COL12A1: variants seen among roughly 807,000 people sequenced by gnomAD.
The protein encoded by COL12A1 is collagen alpha-1(XII) chain.
Under a neutral mutation model 349.7 loss-of-function variants are expected in COL12A1, and 114 were observed. The ratio of observed to expected loss-of-function variants is 0.33; its 90% CI spans 0.28 to 0.38. COL12A1 has a LOEUF of 0.38. Ranked by LOEUF, COL12A1 falls within the 10% of genes least tolerant of loss-of-function variation. The pLI is 1.00. For synonymous variants in COL12A1, 1,369 were observed against 1,329.0 expected, an observed-to-expected ratio of 1.03 and a Z score of -0.66; for missense variants, 3,284 against 3,756.9, an observed-to-expected ratio of 0.87 and a Z score of 3.29.
intron 10 of COL12A1, 110 bp downstream of exon 10, chr6:75,182,940 T>G (rs1769389826): frequency 7.5e-7 from 1 of 1,326,860 alleles, no homozygotes; most frequent in Admixed American, 2.4e-5. Flanking sequence ...CATAGGAAAG[T>G]TACTTTTTCG....
intron 54 of COL12A1, among the ~76,000 whole-genome samples, chr6:75,104,736 T>C (rs1380152498): frequency 6.6e-6 from 1 of 152,058 alleles, no homozygotes; most frequent in African/African-American, 2.4e-5. Flanking sequence ...CCAGAGTTTA[T>C]GATATCACAT....
Position 75,138,855 on chromosome 6 carries a change from A to G in COL12A1, c.5064T>C (p.Thr1688=). ...GASDVSLYRI[T]WAPFGSSDKM... ...TATCTGAGCTTCCAAAAGGTGCCCA[A>G]GTTATTCTGTAGAGAGACACATCTG... Residue 1688 remains threonine (T), a synonymous_variant, in exon 28 of 66, where the codon ACT becomes ACC. Coordinates refer to ENST00000322507, the MANE Select transcript of COL12A1 (RefSeq NM_004370.6). The G allele has an allele frequency of 1.9e-6, 3 of 1,614,086 alleles. No homozygotes were observed. The highest frequency in any genetic ancestry group is 1.1e-5 in the South Asian group (1 of 91,084).
intron 32 of COL12A1, 36 bp downstream of exon 32, chr6:75,134,690 T>C (rs372825658): frequency 6.6e-5 from 101 of 1,541,816 alleles, no homozygotes; most frequent in Non-Finnish European, 7.8e-5. Context: ...TAATAGTAGC[T>C]ATTAAAGAAG....
At position 75,152,035 on chromosome 6, in the gene COL12A1, G is replaced by A. The variant is rs1326038023; in HGVS notation, c.3836-4C>T. The A allele has an allele frequency of 6.2e-7, 1 of 1,613,818 alleles. No individual in the cohort carries two copies. The highest frequency in any genetic ancestry group is 1.7e-5 in the Admixed American group (1 of 59,998). The stretch of plus-strand genomic sequence containing the variant: ...CGAATGAAATTCAAAGCCATGCCTA[G>A]TGGGATTTTTAAAAGAGAATCAGTC... On this transcript the variant is annotated splice_polypyrimidine_tract_variant and splice_region_variant and intron_variant, in intron 19 of 65. Coordinates refer to ENST00000322507, the MANE Select transcript of COL12A1 (RefSeq NM_004370.6).
intron 2 of COL12A1, among the ~76,000 whole-genome samples, chr6:75,195,933 G>T (rs1389984770): frequency 6.6e-6 from 1 of 152,144 alleles, no homozygotes; most frequent in African/African-American, 2.4e-5. Context: ...ACTTGGAAAA[G>T]TCAATGACAG....
At chr6:75,133,470 A>C in intron 33 of COL12A1, 48 bp from the exon 34 acceptor site, 1 of 1,561,788 alleles carries the variant, frequency 6.4e-7, no homozygotes, top group South Asian at 1.2e-5. Context: ...AAATTTGTGA[A>C]AGAAATAATA....
Position 75,121,387 on chromosome 6 carries a change from A to G in COL12A1, c.7001T>C (p.Ile2334Thr), listed in dbSNP as rs796052093. The G allele has an allele frequency of 1.9e-6, 3 of 1,612,180 alleles. No homozygotes were observed. The highest frequency in any genetic ancestry group is 2.5e-6 in the Non-Finnish European group (3 of 1,178,712). ...IVFLTDASWS[I>T]GDDNFNKVVK... is the part of the protein sequence containing the mutation. Reference sequence around the variant, plus strand: ...AACTTTGTTAAAATTATCGTCCCCAATGCTCCAGGAGGCATCAGTCAAGAA... The same window carrying G: ...AACTTTGTTAAAATTATCGTCCCCAGTGCTCCAGGAGGCATCAGTCAAGAA... The change falls in exon 44 of 66, where the codon ATT becomes ACT. Residue 2334 changes from isoleucine (I) to threonine (T), a missense_variant. Coordinates refer to ENST00000322507, the MANE Select transcript of COL12A1 (RefSeq NM_004370.6).
chr6:75,110,065 T>A (rs1285856375), intron 51 of COL12A1, among the ~76,000 whole-genome samples: 1 of 152,060 alleles, frequency 6.6e-6, no homozygotes, highest in Non-Finnish European at 1.5e-5. Context: ...AAACCATAAG[T>A]TTACTGCATC....
intron 38 of COL12A1, among the ~76,000 whole-genome samples, 194 bp downstream of exon 38, chr6:75,128,102 A>G (rs954063899): frequency 7.9e-5 from 12 of 152,188 alleles, no homozygotes; most frequent in Non-Finnish European, 1.3e-4. Context: ...GACCTTTAAA[A>G]AGTTAAAAAC....
chr6:75,150,693 A>G (rs951382896), intron 21 of COL12A1, among the ~76,000 whole-genome samples: 1 of 152,172 alleles, frequency 6.6e-6, no homozygotes, highest in Non-Finnish European at 1.5e-5. Flanking sequence ...TAGTAACTAA[A>G]TGGAGTGAAG....
rs772158281 is a variant in COL12A1, at chr6:75,194,844, C to T, written c.177G>A (p.Val59=). The T allele has an allele frequency of 4.4e-6, 7 of 1,608,554 alleles. No individual in the cohort carries two copies. The highest frequency in any genetic ancestry group is 2.2e-5 in the South Asian group (2 of 90,106). ...VDPIVGYRIT[V]DPTTDGPTKE... The stretch of plus-strand genomic sequence containing the variant: ...CTCAAAACTTACCCGTTGTAGGGTC[C>T]ACCGTTATTCTGTAACCCACAATTG... Residue 59 remains valine (V), a synonymous_variant, in exon 3 of 66, where the codon GTG becomes GTA. Transcript: ENST00000322507.
Position 75,194,852 on chromosome 6 carries a change from T to A in COL12A1, c.169A>T (p.Ile57Leu). 1 of 1,611,346 alleles carries A rather than the reference T, an allele frequency of 6.2e-7. No homozygotes were observed. Among genetic ancestry groups the A allele is most frequent in the South Asian group, 1.1e-5 (1 of 90,536 alleles). ...TTACCCGTTGTAGGGTCCACCGTTA[T>A]TCTGTAACCCACAATTGGATCAACT... ...KPVDPIVGYR[I>L]TVDPTTDGPT... The change falls in exon 3 of 66, where the codon ATA becomes TTA. Residue 57 changes from isoleucine (I) to leucine (L), a missense_variant. Around this residue, in one of 2 missense-constraint regions of COL12A1, gnomAD observed 2,601 missense variants for 2,824.8 expected, o/e 0.92. Transcript: ENST00000322507.
chr6:75,106,778 T>C (rs1437149343), intron 52 of COL12A1, among the ~76,000 whole-genome samples: 1 of 151,492 alleles, frequency 6.6e-6, no homozygotes, highest in African/African-American at 2.4e-5. Flanking sequence ...GATAGAAAAG[T>C]GAAAGGTGTA....
intron 17 of COL12A1, among the ~76,000 whole-genome samples, 186 bp from the exon 18 acceptor site, chr6:75,152,668 T>A (rs1338995832): frequency 6.6e-6 from 1 of 152,096 alleles, no homozygotes; most frequent in African/African-American, 2.4e-5. Context: ...CAATTAACAG[T>A]CTTAAGAGTC....
chr6:75,156,522 T>C lies in COL12A1; in HGVS notation c.2985A>G (p.Leu995=). ...CTTTCAGGGTTTTGGAATCTTGAGA[T>C]ACTGGGAGATAAAAGGAAGATTAAA... The part of the protein sequence containing the change: ...EPLTGDATTE[L]SQDSKTLKVD... The change falls in exon 15 of 66, where the codon TTA becomes TTG. Residue 995 remains leucine (L), a splice_region_variant and synonymous_variant. Coordinates refer to ENST00000322507, the MANE Select transcript of COL12A1 (RefSeq NM_004370.6). The C allele has an allele frequency of 1.2e-6, 2 of 1,613,146 alleles. No individual in the cohort carries two copies. Among genetic ancestry groups the C allele is most frequent in the East Asian group, 2.2e-5 (1 of 44,822 alleles).
intron 31 of COL12A1, 141 bp downstream of exon 31, chr6:75,137,296 G>C: frequency 2.7e-6 from 2 of 744,878 alleles, no homozygotes; most frequent in Non-Finnish European, 4.2e-6. Flanking sequence ...GCCAGCTAAA[G>C]AGTCAGATTA....
chr6:75,177,768 T>C lies in COL12A1; in HGVS notation c.2332A>G (p.Thr778Ala). 6.2e-7 allele frequency: 1 copy of C among 1,614,122 alleles called. No individual in the cohort carries two copies. Among genetic ancestry groups the C allele is most frequent in the African/African-American group, 1.3e-5 (1 of 75,018 alleles). ...VTTPPNQRRRTLENLIPDTKY... is the reference protein window; with the variant it reads ...VTTPPNQRRRALENLIPDTKY... ...GTGTCTGGAATCAAGTTCTCCAGTG[T>C]TCTCCTCCTCTGATTGGGTGGGGTG... The change falls in exon 12 of 66, where the codon ACA becomes GCA. Residue 778 changes from threonine to alanine, a missense_variant. Physicochemically the swap from Thr to Ala is moderately conservative, Grantham distance 58. This residue lies in a region of COL12A1 where 2,601 missense variants were observed against 2,824.8 expected (regional missense o/e 0.92). Coordinates refer to ENST00000322507, the MANE Select transcript of COL12A1 (RefSeq NM_004370.6).
intron 14 of COL12A1, among the ~76,000 whole-genome samples, chr6:75,156,864 C>G (rs1413851085): frequency 1.3e-5 from 2 of 152,114 alleles, no homozygotes; most frequent in Admixed American, 1.3e-4. Flanking sequence ...AAGAATTTAT[C>G]CAGTAATAAT....
At position 75,101,656 on chromosome 6, in the gene COL12A1, G is replaced by T. The variant is rs1169467662; in HGVS notation, c.8470-3C>A. Reference sequence around the variant, plus strand: ...GGGCCAGGTAATCCTGGGGTTCCCTGCACAGAAGGAAACAAACAAGTGAAA... The same window carrying T: ...GGGCCAGGTAATCCTGGGGTTCCCTTCACAGAAGGAAACAAACAAGTGAAA... On this transcript the variant is annotated splice_polypyrimidine_tract_variant and splice_region_variant and intron_variant, in intron 57 of 65. Coordinates refer to ENST00000322507, the MANE Select transcript of COL12A1 (RefSeq NM_004370.6). The T allele has an allele frequency of 1.9e-6, 3 of 1,613,022 alleles. No individual in the cohort carries two copies. Among genetic ancestry groups the T allele is most frequent in the Non-Finnish European group, 1.7e-6 (2 of 1,179,606 alleles).
Sources: gnomAD v4.1 joint callset for allele counts (sites outside exome capture counted in the v4.1 genomes callset) on GRCh38, gnomAD v4.1.1 for gene constraint, gnomAD v4.1.1 regional missense constraint, MANE v1.5 for transcripts, NCBI Gene and HGNC (gene_info 2026-07-23, HGNC 2026-07-21) for gene names.